The following GPR18 variants were observed in gnomAD, a reference collection of about 807,000 sequenced individuals.
The protein encoded by GPR18 is N-arachidonyl glycine receptor.
In GPR18, 20 loss-of-function variants were observed where a neutral mutation model predicts 22.8. The ratio of observed to expected loss-of-function variants is 0.88; its 90% CI spans 0.62 to 1.28. GPR18 has a LOEUF of 1.28. Ranked by LOEUF, GPR18 falls within the 50% of genes most tolerant of loss-of-function variation. GPR18 has a pLI of 0.00. For synonymous variants in GPR18, 160 were observed against 155.3 expected (o/e 1.03, Z -0.22); for missense variants, 379 against 412.0 (o/e 0.92, Z 0.69).
chr13:99,254,789 C>G lies in GPR18; in HGVS notation c.*88G>C, dbSNP rs532887631. The G allele has an allele frequency of 1.1e-6, 1 of 932,034 alleles. No homozygotes were observed. The highest frequency in any genetic ancestry group is 1.7e-5 in the African/African-American group (1 of 59,982). The allele number at this position is 932,034 out of a possible 1,614,324, so 57.7% of individuals were successfully genotyped here. A position where few individuals can be genotyped will look rare whatever the true frequency, so the allele number is the denominator to read the frequency against. ...ATTTATTTTTTCAAGAGAAAAGGGA[C>G]TTGATAGTATTATACAGAATATCCA... On this transcript the variant is annotated 3_prime_UTR_variant, in exon 2 of 2. Coordinates refer to ENST00000397470, the MANE Select transcript of GPR18 (RefSeq NM_001098200.2).
chr13:99,254,992 T>A lies in GPR18; in HGVS notation c.881A>T (p.Gln294Leu). ...ILYYIVSKQF[Q>L]ARVISVMLYR... ...TAGCATGACACTAATGACTCGAGCCTGAAATTGTTTTGAAACGATGTAGTA... is the reference window on the plus strand; with the variant it reads ...TAGCATGACACTAATGACTCGAGCCAGAAATTGTTTTGAAACGATGTAGTA... The change falls in exon 2 of 2, where the codon CAG (glutamine) becomes CTG (leucine). Residue 294 changes from glutamine (Q) to leucine (L), a missense_variant. Coordinates refer to ENST00000397470, the MANE Select transcript of GPR18 (RefSeq NM_001098200.2). 6.2e-7 allele frequency: 1 copy of A among 1,614,142 alleles called. No individual in the cohort carries two copies. Among genetic ancestry groups the A allele is most frequent in the Non-Finnish European group, 8.5e-7 (1 of 1,180,048 alleles).
Position 99,255,556 on chromosome 13 carries a change from C to G in GPR18, c.317G>C (p.Ser106Thr). The G allele has an allele frequency of 1.2e-6, 2 of 1,614,146 alleles. No homozygotes were observed. Among genetic ancestry groups the G allele is most frequent in the Non-Finnish European group, 1.7e-6 (2 of 1,180,012 alleles). The change falls in exon 2 of 2, where the codon AGC becomes ACC. Residue 106 changes from serine to threonine, a missense_variant. Physicochemically the swap from Ser to Thr is moderately conservative, Grantham distance 58. Coordinates refer to ENST00000397470, the MANE Select transcript of GPR18 (RefSeq NM_001098200.2). The part of the protein sequence containing the change: ...ILGALTVFYP[S>T]IALWLLAFIS... ...AAAGGCAAGAAGCCATAAAGCAATGCTTGGGTAAAACACTGTGAGAGCTCC... is the reference window on the plus strand; with the variant it reads ...AAAGGCAAGAAGCCATAAAGCAATGGTTGGGTAAAACACTGTGAGAGCTCC...
rs1390177916 is a variant in GPR18, at chr13:99,254,801, A to G, written c.*76T>C. The G allele has an allele frequency of 1.8e-6, 2 of 1,109,344 alleles. No homozygotes were observed. Among genetic ancestry groups the G allele is most frequent in the Non-Finnish European group, 2.6e-6 (2 of 759,042 alleles). 68.7% of individuals were successfully genotyped at this position (1,109,344 alleles called of 1,614,324 possible). A position where few individuals can be genotyped will look rare whatever the true frequency, so the allele number is the denominator to read the frequency against. ...AAGAGAAAAGGGACTTGATAGTATT[A>G]TACAGAATATCCATTGACGCCAGAG... On this transcript the variant is annotated 3_prime_UTR_variant, in exon 2 of 2. Transcript: ENST00000397470.
Position 99,258,302 on chromosome 13 carries a change from T to C in GPR18, c.-183A>G, listed in dbSNP as rs1391137165. 6.6e-6 allele frequency: 1 copy of C among 152,222 alleles called. No homozygotes were observed. The highest frequency in any genetic ancestry group is 2.4e-5 in the African/African-American group (1 of 41,456). 9.4% of individuals were successfully genotyped at this position (152,222 alleles called of 1,614,324 possible). ...ATGTTGTATTTTGTTTTAGACTCTTTTGTTGCTTTAAAAAGTAGTTTCCAG... is the reference window on the plus strand; with the variant it reads ...ATGTTGTATTTTGTTTTAGACTCTTCTGTTGCTTTAAAAAGTAGTTTCCAG... On this transcript the variant is annotated 5_prime_UTR_variant, in exon 1 of 2. Transcript: ENST00000397470.
chr13:99,257,200 T>A lies in GPR18; in HGVS notation c.-35+954A>T, dbSNP rs532708259. ...ATATATTTAAAAACATATTAAATTT[T>A]CCAAATATTGGTGTGACTAGAATAT... On this transcript the variant is annotated intron_variant, in intron 1 of 1. Coordinates refer to ENST00000397470, the MANE Select transcript of GPR18 (RefSeq NM_001098200.2). Among the ~76,000 whole-genome samples, 49 of 152,296 alleles carry A rather than the reference T, an allele frequency of 3.2e-4. 2 individuals carry two copies. In the South Asian group the frequency reaches 9.3e-3, roughly 29 times the overall value.
In GPR18 at chr13:99,255,010, A is replaced by G. The variant is rs1389102313; in HGVS notation, c.863T>C (p.Ile288Thr). 4 of 1,614,118 alleles carry G rather than the reference A, an allele frequency of 2.5e-6. No individual in the cohort carries two copies. The highest frequency in any genetic ancestry group is 1.1e-5 in the South Asian group (1 of 91,082). Residue 288 changes from isoleucine (I) to threonine (T), a missense_variant, in exon 2 of 2, where the codon ATC (isoleucine) becomes ACC (threonine). Physicochemically the swap from Ile to Thr is moderately conservative, Grantham distance 89 (BLOSUM62 -1). Transcript: ENST00000397470. ...STCLDVILYY[I>T]VSKQFQARVI... The stretch of plus-strand genomic sequence containing the variant: ...TCGAGCCTGAAATTGTTTTGAAACG[A>G]TGTAGTAGAGAATCACATCCAGACA...
Position 99,254,775 on chromosome 13 carries a change from C to A in GPR18, c.*102G>T. Reference sequence around the variant, plus strand: ...AATGAAGATAATGAATTTATTTTTTCAAGAGAAAAGGGACTTGATAGTATT... The same window carrying A: ...AATGAAGATAATGAATTTATTTTTTAAAGAGAAAAGGGACTTGATAGTATT... On this transcript the variant is annotated 3_prime_UTR_variant, in exon 2 of 2. Transcript: ENST00000397470. The A allele has an allele frequency of 2.4e-6, 2 of 827,342 alleles. No individual in the cohort carries two copies. The highest frequency in any genetic ancestry group is 3.7e-6 in the Non-Finnish European group (2 of 544,604). The allele number at this position is 827,342 out of a possible 1,614,324, so 51.3% of individuals were successfully genotyped here.
intron 1 of GPR18, among the ~76,000 whole-genome samples, chr13:99,257,449 G>A (rs2043584380): frequency 6.6e-6 from 1 of 151,986 alleles, no homozygotes; most frequent in South Asian, 2.1e-4. Flanking sequence ...TGTGACATAA[G>A]TCCTGTACTT....
rs367651389 is a variant in GPR18 at position 99,255,489 on chromosome 13, G to A, written c.384C>T (p.Tyr128=). Residue 128 remains tyrosine (Y), a synonymous_variant, in exon 2 of 2, where the codon TAC becomes TAT. Coordinates refer to ENST00000397470, the MANE Select transcript of GPR18 (RefSeq NM_001098200.2). ...TGCACGTGTTTTTAAGTTCTTTGGC[G>A]TACTTCGGCTGTACAATGGCCATGT... The part of the protein sequence containing the change: ...DRYMAIVQPK[Y]AKELKNTCKA... 3.5e-5 allele frequency: 57 copies of A among 1,614,010 alleles called. No individual in the cohort carries two copies. The highest frequency in any genetic ancestry group is 8.3e-5 in the Admixed American group (5 of 60,000).
At chr13:99,257,961 T>A (rs1236214436) in intron 1 of GPR18, among the ~76,000 whole-genome samples, 193 bp downstream of exon 1, 1 of 152,254 alleles carries the variant, frequency 6.6e-6, no homozygotes, top group African/African-American at 2.4e-5. Flanking sequence ...TATATTTTTT[T>A]AATAGAGACG....
intron 1 of GPR18, among the ~76,000 whole-genome samples, chr13:99,256,137 G>A (rs181476087): frequency 2.0e-4 from 30 of 152,186 alleles, no homozygotes; most frequent in Admixed American, 1.4e-3. Flanking sequence ...CATGTAATAG[G>A]TACTCAATAA....
At chr13:99,255,958 A>T in intron 1 of GPR18, 52 bp from the exon 2 acceptor site, 1 of 1,287,012 alleles carries the variant, frequency 7.8e-7, no homozygotes, top group Non-Finnish European at 1.1e-6. Flanking sequence ...TAAAAAATAA[A>T]TGCTTAACAT....
chr13:99,255,174 G>A lies in GPR18; in HGVS notation c.699C>T (p.Ile233=). ...GCACCTGCACCAGCAGCGTGATGAT[G>A]ATCCTTATGGACTTCTCCTTGACTT... The part of the protein sequence containing the change: ...KPKVKEKSIR[I]IITLLVQVLV... Residue 233 remains isoleucine, a synonymous_variant, in exon 2 of 2, where the codon ATC becomes ATT. Transcript: ENST00000397470. The A allele has an allele frequency of 6.2e-7, 1 of 1,614,130 alleles. No homozygotes were observed.
intron 1 of GPR18, 145 bp from the exon 2 acceptor site, chr13:99,256,051 C>T (rs61970278): frequency 0.11 from 61,029 of 570,980 alleles, 4,182 homozygotes; most frequent in South Asian, 0.25. Flanking sequence ...AACTACTGAA[C>T]ATTCACAGTA....
chr13:99,255,153 C>G lies in GPR18; in HGVS notation c.720G>C (p.Gln240His), dbSNP rs1002833847. 6 of 1,614,132 alleles carry G rather than the reference C, an allele frequency of 3.7e-6. No individual in the cohort carries two copies. Among genetic ancestry groups the G allele is most frequent in the South Asian group, 2.2e-5 (2 of 91,080 alleles). ...GGAAGGGCATAAAGCAGACGAGCAC[C>G]TGCACCAGCAGCGTGATGATGATCC... ...SIRIIITLLV[Q>H]VLVCFMPFHI... Residue 240 changes from glutamine to histidine, a missense_variant, in exon 2 of 2, where the codon CAG becomes CAC. Gln to His is a conservative substitution (Grantham distance 24). Coordinates refer to ENST00000397470, the MANE Select transcript of GPR18 (RefSeq NM_001098200.2).
At chr13:99,258,103 A>G (rs951668704) in intron 1 of GPR18, 51 bp downstream of exon 1, 2 of 152,248 alleles carry the variant, frequency 1.3e-5, no homozygotes, top group Non-Finnish European at 2.9e-5. Context: ...AATGCAGTAC[A>G]TAAAGCATTA....
At position 99,255,635 on chromosome 13, in the gene GPR18, A is replaced by G; in HGVS notation, c.238T>C (p.Phe80Leu). 3.1e-6 allele frequency: 5 copies of G among 1,614,164 alleles called. No homozygotes were observed. The highest frequency in any genetic ancestry group is 4.2e-6 in the Non-Finnish European group (5 of 1,180,034). The change falls in exon 2 of 2, where the codon TTT (phenylalanine) becomes CTT (leucine). Residue 80 changes from phenylalanine (F) to leucine (L), a missense_variant. Physicochemically the swap from Phe to Leu is conservative, Grantham distance 22. Coordinates refer to ENST00000397470, the MANE Select transcript of GPR18 (RefSeq NM_001098200.2). ...GGCCATTCATCTTTTGCATAATAAAACATTCGAAAGGGTAAAGTCATTATA... is the reference window on the plus strand; with the variant it reads ...GGCCATTCATCTTTTGCATAATAAAGCATTCGAAAGGGTAAAGTCATTATA... ...IFIMTLPFRM[F>L]YYAKDEWPFG...
chr13:99,258,045 G>A (rs1234705632), intron 1 of GPR18, 109 bp downstream of exon 1: 3 of 152,222 alleles, frequency 2.0e-5, no homozygotes, highest in African/African-American at 4.8e-5. Context: ...AGTTACAGGC[G>A]TGGGCCATTG....
chr13:99,255,651 A>G lies in GPR18; in HGVS notation c.222T>C (p.Thr74=). 1 of 1,614,118 alleles carries G rather than the reference A, an allele frequency of 6.2e-7. No individual in the cohort carries two copies. The change falls in exon 2 of 2, where the codon ACT becomes ACC. Residue 74 remains threonine (T), a synonymous_variant. Coordinates refer to ENST00000397470, the MANE Select transcript of GPR18 (RefSeq NM_001098200.2). Reference sequence around the variant, plus strand: ...CATAATAAAACATTCGAAAGGGTAAAGTCATTATAAATATCAAGTCCACTA... The same window carrying G: ...CATAATAAAACATTCGAAAGGGTAAGGTCATTATAAATATCAAGTCCACTA... ...VALVDLIFIM[T]LPFRMFYYAK...
Sources: allele counts gnomAD v4.1 joint callset (sites outside exome capture counted in the v4.1 genomes callset), GRCh38; gene constraint gnomAD v4.1.1; transcripts MANE v1.5; gene names NCBI Gene and HGNC (gene_info 2026-07-23, HGNC 2026-07-21).